The following NAV3 variants were observed in gnomAD, a reference collection of about 807,000 sequenced individuals.
NAV3 encodes the protein neuron navigator 3, also known as pore membrane and/or filament interacting like protein 1.
In NAV3, 87 loss-of-function variants were observed where a neutral mutation model predicts 244.7. The observed-to-expected ratio is 0.36, with a 90% confidence interval of 0.30 to 0.42. The LOEUF (loss-of-function observed/expected upper bound fraction) is 0.42, where lower values mean the gene tolerates loss of function less well. NAV3 is among the 20% of genes least tolerant of loss of function. The pLI, the probability that NAV3 is intolerant of heterozygous loss-of-function variation, is 1.00. For synonymous variants in NAV3, 1,126 were observed against 1,042.2 expected, an observed-to-expected ratio of 1.08 and a Z score of -1.55; for missense variants, 2,663 against 2,893.3, an observed-to-expected ratio of 0.92 and a Z score of 1.83.
intron 1 of NAV3, among the ~76,000 whole-genome samples, chr12:77,886,814 G>T (rs1420797925): frequency 6.6e-6 from 1 of 152,040 alleles, no homozygotes; most frequent in Non-Finnish European, 1.5e-5. Flanking sequence ...CTATAATATT[G>T]TGGTTCCAAT....
At chr12:77,930,333 T>C (rs1888656013) in intron 1 of NAV3, among the ~76,000 whole-genome samples, 1 of 152,190 alleles carries the variant, frequency 6.6e-6, no homozygotes, top group African/African-American at 2.4e-5. Flanking sequence ...TAGCCTAGGA[T>C]TAAAGTCTCT....
chr12:77,886,459 C>G (rs1212455667), intron 1 of NAV3, among the ~76,000 whole-genome samples: 1 of 152,128 alleles, frequency 6.6e-6, no homozygotes, highest in Non-Finnish European at 1.5e-5. Context: ...AGGATAGGGG[C>G]TATCTTGTCT....
At chr12:77,668,906 C>T in intron 2 of NAV3, among the ~76,000 whole-genome samples, 1 of 152,088 alleles carries the variant, frequency 6.6e-6, no homozygotes, top group African/African-American at 2.4e-5. Context: ...GCAAAAGTAT[C>T]AGGTAACCTA....
At chr12:77,974,780 T>C (rs541526962) in intron 5 of NAV3, among the ~76,000 whole-genome samples, 2 of 152,290 alleles carry the variant, frequency 1.3e-5, no homozygotes, top group Admixed American at 6.5e-5. Context: ...ATTGGAATGG[T>C]GTCAACTTTC....
chr12:78,177,978 A>G (rs1958318030), intron 28 of NAV3, among the ~76,000 whole-genome samples: 1 of 150,028 alleles, frequency 6.7e-6, no homozygotes, highest in Admixed American at 6.7e-5. Flanking sequence ...GCCTGAAACC[A>G]TAGATAGCAC....
At chr12:77,789,651 A>T (rs1352367627) in intron 2 of NAV3, among the ~76,000 whole-genome samples, 1 of 151,988 alleles carries the variant, frequency 6.6e-6, no homozygotes, top group Non-Finnish European at 1.5e-5. Context: ...CTCTACTAAA[A>T]ATACAAAAAG....
At chr12:78,200,407 G>C in intron 37 of NAV3, 66 bp from the exon 38 acceptor site, 1 of 920,168 alleles carries the variant, frequency 1.1e-6, no homozygotes. Flanking sequence ...CCAAAATGGT[G>C]TCTAGATATG....
chr12:77,759,285 A>G (rs1380130356), intron 2 of NAV3, among the ~76,000 whole-genome samples: 2 of 152,210 alleles, frequency 1.3e-5, no homozygotes, highest in African/African-American at 4.8e-5. Context: ...GTTGCCTTAC[A>G]AATATTATTT....
At chr12:77,594,601 A>G (rs982485548) in intron 2 of NAV3, among the ~76,000 whole-genome samples, 10 of 152,212 alleles carry the variant, frequency 6.6e-5, no homozygotes, top group African/African-American at 2.4e-4. Flanking sequence ...AAACACATAG[A>G]TGACAACAGG....
At chr12:78,052,993 T>A (rs1303301650) in intron 11 of NAV3, among the ~76,000 whole-genome samples, 1 of 151,958 alleles carries the variant, frequency 6.6e-6, no homozygotes, top group Non-Finnish European at 1.5e-5. Flanking sequence ...CCAAGGCAGA[T>A]GGATCGCCTG....
chr12:77,900,177 C>T (rs1731744), intron 1 of NAV3, among the ~76,000 whole-genome samples: 17,473 of 151,222 alleles, frequency 0.12, 1,162 homozygotes, highest in South Asian at 0.2. Flanking sequence ...TCTGGGTTCA[C>T]GCCATTCTCC....
chr12:78,082,363 A>C (rs1419395935), intron 12 of NAV3, among the ~76,000 whole-genome samples: 1 of 152,166 alleles, frequency 6.6e-6, no homozygotes, highest in Non-Finnish European at 1.5e-5. Context: ...TTGGCTGATG[A>C]ATTATTTTGT....
chr12:77,627,533 A>G (rs987148717), intron 2 of NAV3, among the ~76,000 whole-genome samples: 7 of 152,200 alleles, frequency 4.6e-5, no homozygotes, highest in Admixed American at 3.9e-4. Flanking sequence ...CTGGACACAT[A>G]CAACCTTCCA....
At chr12:78,003,842 C>CAG (rs1873744025) in intron 7 of NAV3, among the ~76,000 whole-genome samples, 1 of 152,188 alleles carries the variant, frequency 6.6e-6, no homozygotes, top group African/African-American at 2.4e-5. Flanking sequence ...CACATCAACT[C>CAG]AGAGGAACAG....
chr12:77,614,401 A>T (rs1009485367), intron 2 of NAV3, among the ~76,000 whole-genome samples: 2 of 152,092 alleles, frequency 1.3e-5, no homozygotes, highest in Admixed American at 1.3e-4. Context: ...GGATGTTAGT[A>T]GCCCTGTATT....
intron 12 of NAV3, among the ~76,000 whole-genome samples, chr12:78,094,424 T>C (rs1954122696): frequency 6.6e-6 from 1 of 152,200 alleles, no homozygotes; most frequent in South Asian, 2.1e-4. Flanking sequence ...TGGTGTAACA[T>C]TTTAATGAGA....
At chr12:77,841,557 A>G (rs1444760537) in intron 1 of NAV3, among the ~76,000 whole-genome samples, 1 of 152,214 alleles carries the variant, frequency 6.6e-6, no homozygotes, top group Non-Finnish European at 1.5e-5. Context: ...TTAACAAACT[A>G]TGACCCAAAG....
At chr12:78,129,703 T>C (rs1021188981) in intron 18 of NAV3, among the ~76,000 whole-genome samples, 3 of 152,172 alleles carry the variant, frequency 2.0e-5, no homozygotes, top group Non-Finnish European at 4.4e-5. Flanking sequence ...TTTTTATTAT[T>C]AGTTTATCAG....
At chr12:78,102,092 G>C (rs1389184366) in intron 12 of NAV3, among the ~76,000 whole-genome samples, 1 of 152,000 alleles carries the variant, frequency 6.6e-6, no homozygotes, top group African/African-American at 2.4e-5. Context: ...TTCACGAAAT[G>C]GTCTCATGAA....
Sources: gnomAD v4.1 joint callset for allele counts (sites outside exome capture counted in the v4.1 genomes callset) on GRCh38, gnomAD v4.1.1 for gene constraint, MANE v1.5 for transcripts, NCBI Gene and HGNC (gene_info 2026-07-23, HGNC 2026-07-21) for gene names.